The following PLCB4 variants were observed in gnomAD, a reference collection of about 807,000 sequenced individuals.
PLCB4 encodes the protein phospholipase C beta 4.
Under a neutral mutation model 178.8 loss-of-function variants are expected in PLCB4, and 77 were observed. That is an observed-to-expected ratio of 0.43 (90% confidence interval 0.36 to 0.52). The LOEUF (loss-of-function observed/expected upper bound fraction) is 0.52, where lower values mean the gene tolerates loss of function less well. Ranked by LOEUF, PLCB4 falls within the 20% of genes least tolerant of loss-of-function variation. The probability of loss-of-function intolerance (pLI) is 0.00; values close to 1 mark genes in which losing one functional copy is unlikely to be tolerated. For synonymous variants in PLCB4, 496 were observed against 490.8 expected (o/e 1.01, Z -0.14); for missense variants, 1,024 against 1,453.4 (o/e 0.70, Z 4.80).
chr20:9,154,983 A>C (rs1010918240), intron 2 of PLCB4, among the ~76,000 whole-genome samples: 66 of 121,878 alleles, frequency 5.4e-4, no homozygotes, highest in South Asian at 5.4e-4. Flanking sequence ...TTGGGGTACA[A>C]GTGGTTTTTG....
At chr20:9,251,291 G>A (rs912911949) in intron 3 of PLCB4, among the ~76,000 whole-genome samples, 27 of 152,294 alleles carry the variant, frequency 1.8e-4, no homozygotes, top group African/African-American at 6.3e-4. Context: ...CTGCATAGAT[G>A]TCACCTGGGA....
At chr20:9,121,248 C>A (rs1274798906) in intron 2 of PLCB4, among the ~76,000 whole-genome samples, 1 of 152,028 alleles carries the variant, frequency 6.6e-6, no homozygotes, top group Non-Finnish European at 1.5e-5. Flanking sequence ...TTTCTTAGTC[C>A]CTGATATGGA....
At chr20:9,386,011 G>A (rs558853655) in intron 14 of PLCB4, among the ~76,000 whole-genome samples, 3 of 152,226 alleles carry the variant, frequency 2.0e-5, no homozygotes, top group Non-Finnish European at 4.4e-5. Flanking sequence ...CCAGCACCCC[G>A]GGAGGCCGAG....
intron 20 of PLCB4, among the ~76,000 whole-genome samples, chr20:9,403,364 C>A (rs945301321): frequency 6.6e-6 from 1 of 151,980 alleles, no homozygotes; most frequent in Non-Finnish European, 1.5e-5. Flanking sequence ...CAAGGTATGG[C>A]TAGAGAAGTA....
intron 28 of PLCB4, among the ~76,000 whole-genome samples, chr20:9,432,292 T>G (rs2041475761): frequency 6.6e-6 from 1 of 152,218 alleles, no homozygotes; most frequent in African/African-American, 2.4e-5. Context: ...GCTTTATTGA[T>G]TCTGTAACTT....
intron 1 of PLCB4, among the ~76,000 whole-genome samples, chr20:9,086,406 A>C (rs1229071586): frequency 6.6e-6 from 1 of 152,090 alleles, no homozygotes; most frequent in East Asian, 1.9e-4. Flanking sequence ...TATGATGTGC[A>C]TTGTGGGGTC....
At chr20:9,282,443 A>G (rs1359204000) in intron 3 of PLCB4, among the ~76,000 whole-genome samples, 1 of 152,004 alleles carries the variant, frequency 6.6e-6, no homozygotes, top group Non-Finnish European at 1.5e-5. Flanking sequence ...TAATTTTATT[A>G]TACCCCCATA....
intron 30 of PLCB4, among the ~76,000 whole-genome samples, chr20:9,441,485 T>C (rs1442547421): frequency 6.6e-6 from 1 of 152,182 alleles, no homozygotes; most frequent in Non-Finnish European, 1.5e-5. Flanking sequence ...TAGTTTATTC[T>C]GGGAGGCAGT....
chr20:9,142,861 G>A (rs2092521572), intron 2 of PLCB4, among the ~76,000 whole-genome samples: 1 of 152,136 alleles, frequency 6.6e-6, no homozygotes. Context: ...CAGAGAGTAA[G>A]CCAAAGCACT....
In PLCB4 at chr20:9,473,254, ATTTTTTT is replaced by A. The variant is rs3037097; in HGVS notation, c.3409-11_3409-5del. 48 of 1,196,486 alleles carry A rather than the reference ATTTTTTT, an allele frequency of 4.0e-5. No homozygotes were observed. Among genetic ancestry groups the A allele is most frequent in the South Asian group, 1.6e-4 (9 of 55,724 alleles). The allele number at this position is 1,196,486 out of a possible 1,614,324, so 74.1% of individuals were successfully genotyped here. ...GATTGTAACCCAAAGTTCAATCAGA[ATTTTTTT>A]TTTTTTTTTTTTTGCAGCTTGCCAT... On this transcript the variant is annotated intron_variant, in intron 37 of 39. Transcript: ENST00000378473.
At chr20:9,135,326 T>C (rs960010773) in intron 2 of PLCB4, among the ~76,000 whole-genome samples, 2 of 152,004 alleles carry the variant, frequency 1.3e-5, no homozygotes, top group Non-Finnish European at 2.9e-5. Context: ...CCAGAACAAT[T>C]TGTACACCAA....
At chr20:9,255,532 T>A (rs2147510287) in intron 3 of PLCB4, among the ~76,000 whole-genome samples, 1 of 152,158 alleles carries the variant, frequency 6.6e-6, no homozygotes, top group African/African-American at 2.4e-5. Context: ...TAGTTTTTTT[T>A]TTTTTTTGTA....
intron 35 of PLCB4, among the ~76,000 whole-genome samples, chr20:9,460,536 G>T (rs1187156244): frequency 6.6e-6 from 1 of 152,232 alleles, no homozygotes; most frequent in Non-Finnish European, 1.5e-5. Context: ...CTTCAGCAAA[G>T]TGAATATTGC....
chr20:9,409,695 A>G (rs2148507492), intron 24 of PLCB4, among the ~76,000 whole-genome samples: 1 of 152,330 alleles, frequency 6.6e-6, no homozygotes, highest in South Asian at 2.1e-4. Context: ...ACATATTTGA[A>G]GAGGTACTAA....
chr20:9,142,137 T>G (rs994162909), intron 2 of PLCB4, among the ~76,000 whole-genome samples: 1 of 152,006 alleles, frequency 6.6e-6, no homozygotes, highest in East Asian at 1.9e-4. Context: ...GTAGTTTTGA[T>G]GAGGAAGAGG....
intron 2 of PLCB4, among the ~76,000 whole-genome samples, chr20:9,127,683 T>C (rs4053141): frequency 0.23 from 14,691 of 65,020 alleles, 42 homozygotes; most frequent in Middle Eastern, 0.27. Context: ...TCTATCTATC[T>C]ATCCATCCAT....
At chr20:9,278,982 T>C (rs2094472659) in intron 3 of PLCB4, among the ~76,000 whole-genome samples, 1 of 152,088 alleles carries the variant, frequency 6.6e-6, no homozygotes, top group African/African-American at 2.4e-5. Context: ...TGTTTGTTTG[T>C]TTGTTTAAAT....
intron 3 of PLCB4, among the ~76,000 whole-genome samples, chr20:9,271,636 A>G (rs1487867623): frequency 6.6e-6 from 1 of 152,152 alleles, no homozygotes; most frequent in Non-Finnish European, 1.5e-5. Context: ...ATGTTTCCGA[A>G]CAATGTGAAG....
chr20:9,393,073 C>T (rs937626413), intron 17 of PLCB4, among the ~76,000 whole-genome samples: 1 of 152,072 alleles, frequency 6.6e-6, no homozygotes, highest in Non-Finnish European at 1.5e-5. Flanking sequence ...TGGAACAACT[C>T]CCTTCTTGAT....
Sources: allele counts gnomAD v4.1 joint callset (sites outside exome capture counted in the v4.1 genomes callset), GRCh38; gene constraint gnomAD v4.1.1; transcripts MANE v1.5; gene names NCBI Gene and HGNC (gene_info 2026-07-23, HGNC 2026-07-21).